The following DNAH9 variants were observed in gnomAD, a reference collection of about 807,000 sequenced individuals.
DNAH9 encodes the protein dynein axonemal heavy chain 9.
Under a neutral mutation model 471.6 loss-of-function variants are expected in DNAH9, and 345 were observed. The observed-to-expected ratio is 0.73, with a 90% confidence interval of 0.67 to 0.80. DNAH9 has a LOEUF of 0.80. DNAH9 is among the 30% of genes least tolerant of loss of function. DNAH9 has a pLI of 0.00. For missense variants in DNAH9, 5,407 were observed against 5,609.2 expected, an observed-to-expected ratio of 0.96 and a Z score of 1.15; for synonymous variants, 2,093 against 2,123.6, an observed-to-expected ratio of 0.99 and a Z score of 0.40.
intron 50 of DNAH9, among the ~76,000 whole-genome samples, chr17:11,862,071 G>T (rs1245799845): frequency 7.9e-6 from 1 of 126,332 alleles, no homozygotes; most frequent in African/African-American, 2.8e-5. Context: ...ATTGCTTTTG[G>T]TGTTTTAGAC....
At chr17:11,701,007 G>A (rs1429050728) in intron 23 of DNAH9, 115 bp from the exon 24 acceptor site, 4 of 1,118,002 alleles carry the variant, frequency 3.6e-6, no homozygotes, top group Admixed American at 1.9e-5. Flanking sequence ...ACTTGGGGCT[G>A]TATACAATGT....
At chr17:11,882,938 G>C (rs1272959244) in intron 55 of DNAH9, 2 of 985,528 alleles carry the variant, frequency 2.0e-6, no homozygotes, top group South Asian at 9.4e-5. Flanking sequence ...GGTGGCTGTG[G>C]TTGGAACCTC....
rs2073091101 is a variant in DNAH9, at chr17:11,632,610, A to G, written c.1542A>G (p.Glu514=). 3 of 1,602,512 alleles carry G rather than the reference A, an allele frequency of 1.9e-6. No homozygotes were observed. Among genetic ancestry groups the G allele is most frequent in the South Asian group, 2.2e-5 (2 of 90,810 alleles). ...AGGACTTTGAAAATGACGTCTCTGA[A>G]TTTAACCAGAAAGTAGAAGATCTTG... ...QSTDFENDVS[E]FNQKVEDLDR... The change falls in exon 8 of 69, where the codon GAA becomes GAG. Residue 514 remains glutamate (E), a synonymous_variant. Coordinates refer to ENST00000262442, the MANE Select transcript of DNAH9 (RefSeq NM_001372.4).
chr17:11,665,479 G>A (rs926992456), intron 15 of DNAH9, among the ~76,000 whole-genome samples: 1 of 152,164 alleles, frequency 6.6e-6, no homozygotes, highest in African/African-American at 2.4e-5. Context: ...AGGGGAGGAG[G>A]TAATTTTCAG....
At position 11,617,416 on chromosome 17, in the gene DNAH9, G is replaced by T; in HGVS notation, c.910G>T (p.Ala304Ser). ...CCATCTCCAATTCCTTCCAGCTCTA[G>T]CAGAGGCACAGGACATCCATGTGCA... ...AMYRDVVAAL[A>S]EAQDIHVHLI... The change falls in exon 5 of 69, where the codon GCA becomes TCA. Residue 304 changes from alanine (A) to serine (S), a missense_variant. By Grantham distance (99) the Ala-to-Ser change is moderately conservative. Transcript: ENST00000262442. 6.2e-7 allele frequency: 1 copy of T among 1,612,944 alleles called. No individual in the cohort carries two copies. Among genetic ancestry groups the T allele is most frequent in the East Asian group, 2.2e-5 (1 of 44,844 alleles).
At chr17:11,667,436 G>A (rs543611730) in intron 15 of DNAH9, among the ~76,000 whole-genome samples, 1 of 152,082 alleles carries the variant, frequency 6.6e-6, no homozygotes, top group African/African-American at 2.4e-5. Flanking sequence ...TAAATATTGG[G>A]ACTGTCCTGA....
At chr17:11,908,087 G>T (rs140200678) in intron 61 of DNAH9, among the ~76,000 whole-genome samples, 5 of 151,996 alleles carry the variant, frequency 3.3e-5, no homozygotes, top group Non-Finnish European at 7.4e-5. Context: ...CCACATACAC[G>T]GGGTGGGGAC....
chr17:11,762,770 G>GTTTGTTTGTTTT (rs1193246497), intron 35 of DNAH9, among the ~76,000 whole-genome samples: 11 of 90,744 alleles, frequency 1.2e-4, no homozygotes, highest in Non-Finnish European at 1.7e-4. Flanking sequence ...TTTTTTTTTT[G>GTTTGTTTGTTTT]TTTTTTTTTT....
intron 33 of DNAH9, among the ~76,000 whole-genome samples, chr17:11,753,829 T>A (rs1175053519): frequency 1.3e-5 from 2 of 152,200 alleles, no homozygotes; most frequent in African/African-American, 4.8e-5. Context: ...CACTTTTATT[T>A]TAGGTTTGAG....
At chr17:11,898,133 T>TG (rs1173563153) in intron 59 of DNAH9, among the ~76,000 whole-genome samples, 1 of 26,910 alleles carries the variant, frequency 3.7e-5, no homozygotes, top group East Asian at 7.7e-4. Context: ...TTTCCTTTTC[T>TG]TTTTTTTTTT....
rs2150663167 is a variant in DNAH9, at chr17:11,623,568, G to T, written c.1350+3787G>T. Reference sequence around the variant, plus strand: ...AGCTCTTGCCTCCTGAGTCTGTGCAGTGGAACACAGGACTATCAGCTGTCC... The same window carrying T: ...AGCTCTTGCCTCCTGAGTCTGTGCATTGGAACACAGGACTATCAGCTGTCC... On this transcript the variant is annotated intron_variant, in intron 6 of 68. Coordinates refer to ENST00000262442, the MANE Select transcript of DNAH9 (RefSeq NM_001372.4). This position sits in a 1 kb window ranked among gnomAD's most constrained non-coding sequence, Gnocchi z 4.1. Among the ~76,000 whole-genome samples, 1 of 152,180 alleles carries T rather than the reference G, an allele frequency of 6.6e-6. No individual in the cohort carries two copies. The highest frequency in any genetic ancestry group is 1.9e-4 in the East Asian group (1 of 5,170).
rs1271691262 is a variant in DNAH9 at position 11,793,503 on chromosome 17, G to C, written c.8062G>C (p.Gly2688Arg). Residue 2688 changes from glycine (G) to arginine (R), a missense_variant and splice_region_variant, in exon 42 of 69, where the codon GGC becomes CGC. By Grantham distance (125) the Gly-to-Arg change is moderately radical (BLOSUM62 -2). Around this residue, in one of 3 missense-constraint regions of DNAH9, gnomAD observed 4,636 missense variants for 4,900.3 expected, o/e 0.95. Transcript: ENST00000262442. ...NLRDFANIFQ[G>R]ILFSSVECVK... ...TTTTTTGTGTCTGTTCCCCTTGAAG[G>C]GCATTCTCTTCTCCTCAGTGGAATG... 4.4e-6 allele frequency: 7 copies of C among 1,606,094 alleles called. No individual in the cohort carries two copies. The highest frequency in any genetic ancestry group is 5.9e-6 in the Non-Finnish European group (7 of 1,178,110).
chr17:11,952,540 A>G (rs1372559848), intron 67 of DNAH9, among the ~76,000 whole-genome samples: 4 of 152,038 alleles, frequency 2.6e-5, no homozygotes, highest in Non-Finnish European at 5.9e-5. Context: ...GAGACACTGT[A>G]AACCTAAAAT....
At chr17:11,726,891 TATAAAA>T (rs750944289) in intron 27 of DNAH9, among the ~76,000 whole-genome samples, 14 of 151,788 alleles carry the variant, frequency 9.2e-5, no homozygotes, top group Non-Finnish European at 2.1e-4. Context: ...CTACTAAAAA[TATAAAA>T]ATTAGCCAGG....
chr17:11,933,533 ACCACAC>A (rs1427194282), intron 64 of DNAH9, among the ~76,000 whole-genome samples: 6 of 151,966 alleles, frequency 3.9e-5, no homozygotes, highest in African/African-American at 1.5e-4. Context: ...GGCATGCACC[ACCACAC>A]CCAGCTAATT....
intron 6 of DNAH9, among the ~76,000 whole-genome samples, chr17:11,628,022 G>T (rs547384656): frequency 2.6e-5 from 4 of 152,086 alleles, no homozygotes; most frequent in Non-Finnish European, 5.9e-5. Context: ...TTACAGCATC[G>T]GTGTCATGGT....
intron 41 of DNAH9, among the ~76,000 whole-genome samples, chr17:11,787,610 C>T (rs1009577058): frequency 1.3e-5 from 2 of 152,194 alleles, no homozygotes; most frequent in East Asian, 1.9e-4. Flanking sequence ...GTACTCCCCT[C>T]GCTCTGTTCA....
rs1028748221 is a variant in DNAH9 at position 11,883,700 on chromosome 17, G to C, written c.10921G>C (p.Val3641Leu). ...GAACTTCCTGGGAGAAACAGTGCTG[G>C]TGGAAAACCTAGAGATCACCAAGCA... ...SGNFLGETVLVENLEITKQTA... is the reference protein window; with the variant it reads ...SGNFLGETVLLENLEITKQTA... The change falls in exon 56 of 69, where the codon GTG becomes CTG. Residue 3641 changes from valine (V) to leucine (L), a missense_variant. This residue lies in a region of DNAH9 where 4,636 missense variants were observed against 4,900.3 expected (regional missense o/e 0.95). Transcript: ENST00000262442. 1 of 1,614,134 alleles carries C rather than the reference G, an allele frequency of 6.2e-7. No homozygotes were observed. Among genetic ancestry groups the C allele is most frequent in the Admixed American group, 1.7e-5 (1 of 60,018 alleles).
rs529098843 is a variant in DNAH9, at chr17:11,749,763, C to T, written c.6610+1997C>T. Among the ~76,000 whole-genome samples, 24 of 152,142 alleles carry T rather than the reference C, an allele frequency of 1.6e-4. No homozygotes were observed. In the South Asian group the frequency reaches 4.6e-3, roughly 29 times the overall value. On this transcript the variant is annotated intron_variant, in intron 32 of 68. Transcript: ENST00000262442. ...CTTTCCCTCTGAATTTAAACACCAG[C>T]TTGTCATTTACTAAATTGCATATGT...
Sources: allele counts gnomAD v4.1 joint callset (sites outside exome capture counted in the v4.1 genomes callset), GRCh38; gene constraint gnomAD v4.1.1; regional missense constraint gnomAD v4.1.1; non-coding constraint Gnocchi (gnomAD v3.1); transcripts MANE v1.5; gene names NCBI Gene and HGNC (gene_info 2026-07-23, HGNC 2026-07-21).